The following PEX7 variants were observed in gnomAD, a reference collection of about 807,000 sequenced individuals.
The protein encoded by PEX7 is peroxisomal biogenesis factor 7.
A neutral mutation model predicts 47.5 loss-of-function variants in PEX7; 34 were observed. That is an observed-to-expected ratio of 0.72 (90% confidence interval 0.54 to 0.95). The LOEUF (loss-of-function observed/expected upper bound fraction) is 0.95, where lower values mean the gene tolerates loss of function less well. Ranked by LOEUF, PEX7 falls within the 40% of genes least tolerant of loss-of-function variation. PEX7 has a pLI of 0.00. For synonymous variants in PEX7, 141 were observed against 148.8 expected (o/e 0.95, Z 0.38); for missense variants, 394 against 400.3 (o/e 0.98, Z 0.13).
chr6:136,873,763 AT>A, intron 8 of PEX7, among the ~76,000 whole-genome samples: 1 of 152,166 alleles, frequency 6.6e-6, no homozygotes, highest in Non-Finnish European at 1.5e-5. Flanking sequence ...TGCAAATTAT[AT>A]ATGTTTACTT....
intron 1 of PEX7, among the ~76,000 whole-genome samples, chr6:136,824,005 C>G (rs1346140138): frequency 6.6e-6 from 1 of 152,204 alleles, no homozygotes; most frequent in Non-Finnish European, 1.5e-5. Context: ...TGCAAAAACT[C>G]ATTTCATAAT....
intron 8 of PEX7, among the ~76,000 whole-genome samples, chr6:136,882,340 G>C (rs1192774350): frequency 6.6e-6 from 1 of 151,712 alleles, no homozygotes; most frequent in Non-Finnish European, 1.5e-5. Flanking sequence ...ACCACACCCA[G>C]CTAATCTTTG....
chr6:136,911,269 G>A (rs1775928192), intron 9 of PEX7, among the ~76,000 whole-genome samples: 1 of 152,102 alleles, frequency 6.6e-6, no homozygotes, highest in African/African-American at 2.4e-5. Flanking sequence ...GTCCTCACTT[G>A]TTTCTGGCCT....
chr6:136,910,144 C>G (rs1036939820), intron 9 of PEX7, among the ~76,000 whole-genome samples: 4 of 152,146 alleles, frequency 2.6e-5, no homozygotes, highest in African/African-American at 9.7e-5. Context: ...CTCTGCTACT[C>G]TATTGTGAAC....
In PEX7 at chr6:136,900,701, T is replaced by C; in HGVS notation, c.903+2460T>C. ...TTGATGGGATCCACGTCATGTGCAGTCACCGCCAGCTGAGCCTTCTTCTTC... is the reference window on the plus strand; with the variant it reads ...TTGATGGGATCCACGTCATGTGCAGCCACCGCCAGCTGAGCCTTCTTCTTC... On this transcript the variant is annotated intron_variant, in intron 9 of 9. Coordinates refer to ENST00000318471, the MANE Select transcript of PEX7 (RefSeq NM_000288.4). The surrounding 1 kb of genome is among the most constrained non-coding windows in gnomAD (Gnocchi z 4.2). 2.9e-6 allele frequency: 1 copy of C among 345,136 alleles called. No individual in the cohort carries two copies. The highest frequency in any genetic ancestry group is 5.6e-6 in the Non-Finnish European group (1 of 178,940). 21.4% of individuals were successfully genotyped at this position (345,136 alleles called of 1,614,324 possible).
intron 5 of PEX7, among the ~76,000 whole-genome samples, chr6:136,850,184 C>CT (rs558174589): frequency 0.043 from 6,363 of 147,656 alleles, 150 homozygotes; most frequent in African/African-American, 0.075. Context: ...GCAACCTCTG[C>CT]TTTTTTTTTT....
chr6:136,824,019 A>G lies in PEX7; in HGVS notation c.131-1195A>G, dbSNP rs577587033. Among the ~76,000 whole-genome samples the G allele has an allele frequency of 5.9e-5, 9 of 152,312 alleles. No homozygotes were observed. In the East Asian group the frequency reaches 9.7e-4, roughly 16 times the overall value. ...ATGCAAAAACTCATTTCATAATGTC[A>G]GTGGTCTATTGTATTTTTTTGTTTT... On this transcript the variant is annotated intron_variant, in intron 1 of 9. Transcript: ENST00000318471.
At chr6:136,884,403 A>G (rs1465133744) in intron 8 of PEX7, among the ~76,000 whole-genome samples, 1 of 152,210 alleles carries the variant, frequency 6.6e-6, no homozygotes, top group Non-Finnish European at 1.5e-5. Flanking sequence ...AACCTGTTTA[A>G]TTTTTAGGAC....
chr6:136,827,815 A>G (rs1175348371), intron 3 of PEX7, among the ~76,000 whole-genome samples: 4 of 148,364 alleles, frequency 2.7e-5, no homozygotes, highest in Non-Finnish European at 4.4e-5. Flanking sequence ...TATAGGCGTG[A>G]GCCACCGTGC....
intron 3 of PEX7, among the ~76,000 whole-genome samples, chr6:136,838,844 T>C (rs1158164856): frequency 6.6e-6 from 1 of 152,126 alleles, no homozygotes; most frequent in South Asian, 2.1e-4. Flanking sequence ...TTCTCTCTAC[T>C]TTTATGCATG....
At chr6:136,904,146 C>T (rs1286716268) in intron 9 of PEX7, among the ~76,000 whole-genome samples, 2 of 152,078 alleles carry the variant, frequency 1.3e-5, no homozygotes, top group African/African-American at 4.8e-5. Context: ...TATTTGTGTC[C>T]TGTTCACCTT....
Position 136,853,649 on chromosome 6 carries a change from T to C in PEX7, c.526+7468T>C, listed in dbSNP as rs1356869027. Among the ~76,000 whole-genome samples the C allele has an allele frequency of 2.0e-5, 3 of 152,128 alleles. No individual in the cohort carries two copies. The East Asian group carries it at 5.8e-4, about 29-fold the overall frequency. ...CTATTAGGTTGAAAATACTCAGAAA[T>C]GGAAACCTTCAGGTAAATTATATAC... is the stretch of plus-strand genomic sequence containing the variant. On this transcript the variant is annotated intron_variant, in intron 5 of 9. Coordinates refer to ENST00000318471, the MANE Select transcript of PEX7 (RefSeq NM_000288.4).
At chr6:136,874,322 G>A (rs2115233289) in intron 8 of PEX7, among the ~76,000 whole-genome samples, 1 of 152,198 alleles carries the variant, frequency 6.6e-6, no homozygotes, top group East Asian at 1.9e-4. Context: ...ATCTCTAACG[G>A]GATCAAGTTT....
At chr6:136,894,174 A>G (rs1021033946) in intron 8 of PEX7, among the ~76,000 whole-genome samples, 1 of 152,160 alleles carries the variant, frequency 6.6e-6, no homozygotes, top group Non-Finnish European at 1.5e-5. Flanking sequence ...AAAAGTAATA[A>G]TAGGCCAGGA....
At chr6:136,823,980 C>T (rs1266296593) in intron 1 of PEX7, among the ~76,000 whole-genome samples, 1 of 152,182 alleles carries the variant, frequency 6.6e-6, no homozygotes, top group Non-Finnish European at 1.5e-5. Flanking sequence ...AGCTATTATA[C>T]GCACTGAAGC....
chr6:136,852,203 T>G (rs1368582505), intron 5 of PEX7, among the ~76,000 whole-genome samples: 1 of 152,100 alleles, frequency 6.6e-6, no homozygotes, highest in African/African-American at 2.4e-5. Flanking sequence ...GGGATCCAGT[T>G]TCAGCTTTCT....
chr6:136,834,623 A>G (rs1774354112), intron 3 of PEX7, among the ~76,000 whole-genome samples: 1 of 152,184 alleles, frequency 6.6e-6, no homozygotes, highest in Non-Finnish European at 1.5e-5. Context: ...TGGAGCATAG[A>G]GTGTGTGTAC....
chr6:136,872,720 A>G (rs766927605), intron 8 of PEX7, among the ~76,000 whole-genome samples: 1 of 152,170 alleles, frequency 6.6e-6, no homozygotes, highest in Admixed American at 6.5e-5. Context: ...ATATCTAGAT[A>G]AGAGTGTGTG....
At chr6:136,861,749 C>A (rs2030537143) in intron 5 of PEX7, among the ~76,000 whole-genome samples, 1 of 151,392 alleles carries the variant, frequency 6.6e-6, no homozygotes, top group Non-Finnish European at 1.5e-5. Context: ...GTTTGAAAGG[C>A]CCCAGGACAC....
Sources: allele counts gnomAD v4.1 joint callset (sites outside exome capture counted in the v4.1 genomes callset), GRCh38; gene constraint gnomAD v4.1.1; non-coding constraint Gnocchi (gnomAD v3.1); transcripts MANE v1.5; gene names NCBI Gene and HGNC (gene_info 2026-07-23, HGNC 2026-07-21).